The following PPP2R2B variants were observed in gnomAD, a reference collection of about 807,000 sequenced individuals.
The protein encoded by PPP2R2B is protein phosphatase 2 regulatory subunit Bbeta, also known as serine/threonine-protein phosphatase 2A 55 kDa regulatory subunit B beta isoform.
Under a neutral mutation model 46.0 loss-of-function variants are expected in PPP2R2B, and 5 were observed. That is an observed-to-expected ratio of 0.11 (90% confidence interval 0.06 to 0.23). The LOEUF is 0.23. PPP2R2B is among the 10% of genes least tolerant of loss of function. PPP2R2B has a pLI of 1.00. For missense variants in PPP2R2B, 367 were observed against 575.0 expected, an observed-to-expected ratio of 0.64 and a Z score of 3.70; for synonymous variants, 215 against 206.7, an observed-to-expected ratio of 1.04 and a Z score of -0.34.
intron 1 of PPP2R2B, among the ~76,000 whole-genome samples, chr5:146,897,863 A>C (rs1009304347): frequency 3.3e-5 from 5 of 152,216 alleles, no homozygotes; most frequent in African/African-American, 1.2e-4. Flanking sequence ...AATTATTAGA[A>C]GGTTAAAATA....
At chr5:146,980,061 T>C (rs1422902304) in intron 1 of PPP2R2B, among the ~76,000 whole-genome samples, 1 of 152,194 alleles carries the variant, frequency 6.6e-6, no homozygotes, top group Non-Finnish European at 1.5e-5. Flanking sequence ...TAAATTTAAT[T>C]CCATAATTTA....
At chr5:146,806,092 T>A (rs1218269622) in intron 2 of PPP2R2B, among the ~76,000 whole-genome samples, 3 of 152,200 alleles carry the variant, frequency 2.0e-5, no homozygotes, top group Admixed American at 1.3e-4. Context: ...ATTTGGTGGA[T>A]GACAAAATGA....
chr5:146,962,407 C>A (rs558403445), intron 1 of PPP2R2B, among the ~76,000 whole-genome samples: 11 of 151,964 alleles, frequency 7.2e-5, no homozygotes, highest in Non-Finnish European at 2.9e-5. Flanking sequence ...GCCTGTAATC[C>A]TAGCACTTTG....
At chr5:147,016,179 T>G (rs906483200) in intron 1 of PPP2R2B, among the ~76,000 whole-genome samples, 6 of 151,448 alleles carry the variant, frequency 4.0e-5, no homozygotes, top group African/African-American at 1.4e-4. Flanking sequence ...TACAAAATTT[T>G]TTTAGAAGTT....
chr5:146,819,767 A>G (rs1229722044), intron 2 of PPP2R2B, among the ~76,000 whole-genome samples: 1 of 152,238 alleles, frequency 6.6e-6, no homozygotes, highest in African/African-American at 2.4e-5. Flanking sequence ...ACTACTTGGT[A>G]TATATCCCAA....
intron 2 of PPP2R2B, chr5:147,081,011 C>T: frequency 6.7e-7 from 1 of 1,493,184 alleles, no homozygotes; most frequent in East Asian, 2.5e-5. Flanking sequence ...TTGAAATCAG[C>T]ACAAACTCCC....
At chr5:146,720,382 C>T (rs1186345138) in intron 2 of PPP2R2B, among the ~76,000 whole-genome samples, 1 of 152,220 alleles carries the variant, frequency 6.6e-6, no homozygotes, top group Non-Finnish European at 1.5e-5. Context: ...TCACTATTCA[C>T]TCACCCTGAA....
At chr5:147,007,175 C>T (rs144883045) in intron 1 of PPP2R2B, among the ~76,000 whole-genome samples, 4,549 of 152,172 alleles carry the variant, frequency 0.03, 115 homozygotes, top group Middle Eastern at 0.058. Context: ...AGTTCCCATC[C>T]GGAGGACACT....
chr5:146,994,855 C>G (rs1753854900), intron 1 of PPP2R2B, among the ~76,000 whole-genome samples: 1 of 152,184 alleles, frequency 6.6e-6, no homozygotes, highest in South Asian at 2.1e-4. Context: ...ATAGTTCTTG[C>G]TCTTATGGAT....
chr5:146,847,895 C>CGGCTT (rs1324589952), intron 2 of PPP2R2B, among the ~76,000 whole-genome samples: 6 of 152,142 alleles, frequency 3.9e-5, no homozygotes, highest in Non-Finnish European at 8.8e-5. Context: ...CGAGCTCCTG[C>CGGCTT]GGCTTGGCTT....
intron 1 of PPP2R2B, among the ~76,000 whole-genome samples, chr5:146,951,348 C>CTT (rs1343962652): frequency 2.0e-5 from 3 of 150,464 alleles, no homozygotes; most frequent in African/African-American, 7.3e-5. Context: ...TTCCTCATGC[C>CTT]TTTTTTTTTT....
chr5:147,013,006 T>C (rs1432483811), intron 1 of PPP2R2B, among the ~76,000 whole-genome samples: 3 of 151,620 alleles, frequency 2.0e-5, no homozygotes, highest in Non-Finnish European at 2.9e-5. Flanking sequence ...GCCCAAAATC[T>C]CCTTAAGCTG....
intron 2 of PPP2R2B, among the ~76,000 whole-genome samples, chr5:146,789,880 C>T (rs961094250): frequency 9.2e-5 from 14 of 152,002 alleles, no homozygotes; most frequent in African/African-American, 2.7e-4. Context: ...TGCAAATGGC[C>T]GGATGTAGCA....
At chr5:146,918,937 G>A (rs1353705345) in intron 1 of PPP2R2B, among the ~76,000 whole-genome samples, 1 of 152,092 alleles carries the variant, frequency 6.6e-6, no homozygotes, top group Non-Finnish European at 1.5e-5. Context: ...TAACCTCTAC[G>A]AAGGCTGACA....
chr5:146,885,966 G>A (rs1308339396), intron 1 of PPP2R2B, among the ~76,000 whole-genome samples: 11 of 151,738 alleles, frequency 7.2e-5, no homozygotes, highest in African/African-American at 2.2e-4. Context: ...GCCAGGGACT[G>A]AGGATAAAAA....
chr5:146,684,775 A>G lies in PPP2R2B; in HGVS notation c.447+6353T>C, dbSNP rs779832991. Among the ~76,000 whole-genome samples, 4 of 152,132 alleles carry G rather than the reference A, an allele frequency of 2.6e-5. No homozygotes were observed. The East Asian group carries it at 7.7e-4, about 29-fold the overall frequency. On this transcript the variant is annotated intron_variant, in intron 5 of 9. Transcript: ENST00000394411. ...GTTATCCTTCTCCATGATTTCTCAAAGTGTGGTCCAGGGACCACCTGCACC... is the reference window on the plus strand; with the variant it reads ...GTTATCCTTCTCCATGATTTCTCAAGGTGTGGTCCAGGGACCACCTGCACC...
chr5:146,919,185 C>T (rs2151812862), intron 1 of PPP2R2B, among the ~76,000 whole-genome samples: 1 of 152,330 alleles, frequency 6.6e-6, no homozygotes, highest in East Asian at 1.9e-4. Context: ...TTCACAATTA[C>T]TCTACAGCAC....
At chr5:147,008,695 G>A (rs1436527981) in intron 1 of PPP2R2B, among the ~76,000 whole-genome samples, 1 of 152,142 alleles carries the variant, frequency 6.6e-6, no homozygotes, top group East Asian at 1.9e-4. Flanking sequence ...TGTCCCTGTG[G>A]TTGTTACAGA....
At chr5:147,009,907 A>G (rs1374401207) in intron 1 of PPP2R2B, among the ~76,000 whole-genome samples, 1 of 151,726 alleles carries the variant, frequency 6.6e-6, no homozygotes, top group Non-Finnish European at 1.5e-5. Context: ...ACATATATAT[A>G]TAGGACCTGG....
Sources: gnomAD v4.1 joint callset for allele counts (sites outside exome capture counted in the v4.1 genomes callset) on GRCh38, gnomAD v4.1.1 for gene constraint, MANE v1.5 for transcripts, NCBI Gene and HGNC (gene_info 2026-07-23, HGNC 2026-07-21) for gene names.